Variants in PDE4DIP observed in about 807,000 individuals in gnomAD.
The protein encoded by PDE4DIP is phosphodiesterase 4D interacting protein, also known as myomegalin.
PDE4DIP carries 59 observed loss-of-function variants against 221.4 expected under a neutral mutation model. That is an observed-to-expected ratio of 0.27 (90% CI 0.22 to 0.33). The LOEUF is 0.33. PDE4DIP is among the 10% of genes least tolerant of loss of function. The pLI is 1.00. For missense variants in PDE4DIP, 1,036 were observed against 2,154.2 expected, an observed-to-expected ratio of 0.48 and a Z score of 10.28; for synonymous variants, 404 against 815.9, an observed-to-expected ratio of 0.50 and a Z score of 8.60.
At chr1:148,889,092 A>G (rs1697248356), upstream of PDE4DIP, among the ~76,000 whole-genome samples, 1 of 151,990 alleles carries the variant, frequency 6.6e-6, no homozygotes, top group Non-Finnish European at 1.5e-5. Flanking sequence ...ATCAAAGGAA[A>G]TTGAGACTCC....
At chr1:148,916,043 T>G (rs1270819511) in intron 1 of PDE4DIP, among the ~76,000 whole-genome samples, 1 of 150,570 alleles carries the variant, frequency 6.6e-6, no homozygotes, top group Non-Finnish European at 1.5e-5. Context: ...TAATGCAAAG[T>G]ACTTAAAGCA....
exon 30 of PDE4DIP, chr1:149,009,617 G>T (rs781959082): frequency 6.2e-7 from 1 of 1,614,012 alleles, no homozygotes; most frequent in Non-Finnish European, 8.5e-7. Context: ...AGTCCTGCAG[G>T]CCAAGCTGGA....
intron 1 of PDE4DIP, among the ~76,000 whole-genome samples, chr1:148,923,767 C>G (rs587680961): frequency 6.8e-6 from 1 of 146,294 alleles, no homozygotes; most frequent in East Asian, 1.9e-4. Context: ...GCCACCGCGC[C>G]CGAGCTGCGG....
intron 1 of PDE4DIP, among the ~76,000 whole-genome samples, chr1:148,828,877 A>G (rs1362907909): frequency 6.6e-6 from 1 of 151,298 alleles, no homozygotes; most frequent in African/African-American, 2.4e-5. Context: ...ATTGAAAGGG[A>G]TGGATCTGAA....
chr1:149,023,299 T>C (rs2073718066), intron 37 of PDE4DIP, among the ~76,000 whole-genome samples: 1 of 152,158 alleles, frequency 6.6e-6, no homozygotes, highest in Admixed American at 6.5e-5. Context: ...ACATAGCTCA[T>C]TGCGGAAATA....
chr1:148,938,581 G>C (rs2049803087), intron 5 of PDE4DIP: 1 of 152,156 alleles, frequency 6.6e-6, no homozygotes, highest in Non-Finnish European at 1.5e-5. Flanking sequence ...TTTTTTTGAG[G>C]GTTAAGTTGT....
chr1:148,972,635 C>T, intron 16 of PDE4DIP, 43 bp downstream of exon 19: 3 of 473,880 alleles, frequency 6.3e-6, no homozygotes, highest in Non-Finnish European at 1.1e-5. Context: ...TTGTTTTTCT[C>T]TTGTTTTTTC....
intron 1 of PDE4DIP, among the ~76,000 whole-genome samples, chr1:148,892,612 A>G (rs1553438169): frequency 8.3e-6 from 1 of 120,304 alleles, no homozygotes. Flanking sequence ...CAGAGTTGTC[A>G]GGCAGCTACT....
At chr1:148,881,712 G>A (rs1173501229) in intron 3 of PDE4DIP, among the ~76,000 whole-genome samples, 1 of 146,076 alleles carries the variant, frequency 6.8e-6, no homozygotes, top group Non-Finnish European at 1.5e-5. Flanking sequence ...CCAGTTGCAA[G>A]TGAATCCCAG....
chr1:148,864,336 A>G (rs1685635435), intron 2 of PDE4DIP, among the ~76,000 whole-genome samples: 1 of 138,782 alleles, frequency 7.2e-6, no homozygotes. Context: ...CTTTTAGTAC[A>G]GAGGCTATCA....
intron 1 of PDE4DIP, among the ~76,000 whole-genome samples, chr1:148,826,074 T>C (rs1267796954): frequency 2.3e-5 from 2 of 86,440 alleles, no homozygotes; most frequent in African/African-American, 8.3e-5. Context: ...AGTGCCTTGC[T>C]CCTCTCATCC....
chr1:149,015,768 A>C (rs1260030497), intron 32 of PDE4DIP, among the ~76,000 whole-genome samples: 4 of 151,776 alleles, frequency 2.6e-5, no homozygotes, highest in Admixed American at 2.6e-4. Context: ...AGAGTTCTTC[A>C]GTCTGGAGGA....
At chr1:148,893,065 CTGTGTGTGTGTGTG>C (rs60364665) in intron 1 of PDE4DIP, among the ~76,000 whole-genome samples, 20 of 77,724 alleles carry the variant, frequency 2.6e-4, no homozygotes, top group East Asian at 1.0e-3. Flanking sequence ...ATGTGTGTGT[CTGTGTGTGTGTGTG>C]TGTGTGTGTG....
chr1:149,006,478 A>T (rs1553598585), intron 27 of PDE4DIP: 1 of 152,210 alleles, frequency 6.6e-6, no homozygotes, highest in Non-Finnish European at 1.5e-5. Flanking sequence ...ATCGTAACAT[A>T]GAAGAAATTC....
chr1:148,891,892 A>G (rs1434304004), intron 1 of PDE4DIP, among the ~76,000 whole-genome samples: 1 of 43,062 alleles, frequency 2.3e-5, no homozygotes, highest in Non-Finnish European at 3.9e-5. Context: ...GGGTTAGGGT[A>G]GGAATAGTGG....
intron 43 of PDE4DIP, chr1:149,030,582 G>C (rs371334147): frequency 2.9e-5 from 25 of 859,912 alleles, no homozygotes; most frequent in Non-Finnish European, 3.5e-5. Flanking sequence ...CAATTCAGCT[G>C]ACTCTTGAAG....
At chr1:149,017,762 G>C in exon 34 of PDE4DIP, 1 of 1,602,140 alleles carries the variant, frequency 6.2e-7, no homozygotes. Flanking sequence ...TGACCTGCTG[G>C]AAGAGCATCT....
chr1:148,946,079 A>G (rs1250075937), intron 5 of PDE4DIP, among the ~76,000 whole-genome samples: 10 of 152,120 alleles, frequency 6.6e-5, no homozygotes, highest in African/African-American at 2.4e-4. Context: ...GCTGACTTCA[A>G]AAACTTTTCT....
At chr1:148,866,633 A>AGGGGGG (rs1686921082) in intron 2 of PDE4DIP, 1 of 29,538 alleles carries the variant, frequency 3.4e-5, no homozygotes, top group African/African-American at 1.9e-4. Flanking sequence ...AGGGAGGGGG[A>AGGGGGG]AGGGAGGGGA....
Sources: allele counts gnomAD v4.1 joint callset (sites outside exome capture counted in the v4.1 genomes callset), GRCh38; gene constraint gnomAD v4.1.1; transcripts MANE v1.5; gene names NCBI Gene and HGNC (gene_info 2026-07-23, HGNC 2026-07-21).